Variants in ROBO1 observed in about 807,000 individuals in gnomAD.
ROBO1 encodes the protein roundabout guidance receptor 1, also known as roundabout homolog 1.
ROBO1 carries 149 observed loss-of-function variants against 195.9 expected under a neutral mutation model. The ratio of observed to expected loss-of-function variants is 0.76; its 90% confidence interval spans 0.67 to 0.87. ROBO1 has a LOEUF of 0.87. ROBO1 is among the 40% of genes least tolerant of loss of function. The probability of loss-of-function intolerance (pLI) is 0.00; values close to 1 mark genes in which losing one functional copy is unlikely to be tolerated. For missense variants in ROBO1, 1,933 were observed against 2,068.3 expected, an observed-to-expected ratio of 0.93 and a Z score of 1.27; for synonymous variants, 816 against 733.2, an observed-to-expected ratio of 1.11 and a Z score of -1.82.
chr3:78,689,370 A>T (rs1310921494), intron 8 of ROBO1, among the ~76,000 whole-genome samples: 1 of 152,186 alleles, frequency 6.6e-6, no homozygotes, highest in Admixed American at 6.5e-5. Flanking sequence ...TCATCCTGAC[A>T]TTATAAATAC....
intron 3 of ROBO1, among the ~76,000 whole-genome samples, chr3:79,116,336 CCTTTCTTTCTTTTT>C (rs1160715789): frequency 8.5e-5 from 12 of 141,000 alleles, no homozygotes; most frequent in Middle Eastern, 3.7e-3. Flanking sequence ...CTTTTCTTTT[CCTTTCTTTCTTTTT>C]CTTTCTTATT....
chr3:79,562,151 A>G (rs772408766), intron 2 of ROBO1, among the ~76,000 whole-genome samples: 2 of 152,108 alleles, frequency 1.3e-5, no homozygotes, highest in African/African-American at 4.8e-5. Flanking sequence ...TCAGAGTTCA[A>G]AATGTTCTGT....
intron 9 of ROBO1, 76 bp from the exon 10 acceptor site, chr3:78,685,993 A>G: frequency 1.6e-6 from 2 of 1,213,610 alleles, no homozygotes; most frequent in Non-Finnish European, 1.1e-6. Context: ...GCACTTATGC[A>G]TTTACATGTA....
intron 4 of ROBO1, among the ~76,000 whole-genome samples, chr3:78,867,025 T>G (rs1028478318): frequency 2.0e-5 from 3 of 152,210 alleles, no homozygotes; most frequent in Non-Finnish European, 2.9e-5. Flanking sequence ...GCCATTTGTA[T>G]TTGAAAGACT....
intron 1 of ROBO1, among the ~76,000 whole-genome samples, chr3:79,644,114 G>A (rs1945747283): frequency 6.6e-6 from 1 of 152,048 alleles, no homozygotes; most frequent in Non-Finnish European, 1.5e-5. Context: ...TAATAAAATG[G>A]TAACTATATC....
chr3:79,418,705 C>T (rs182049190), intron 2 of ROBO1, among the ~76,000 whole-genome samples: 123 of 152,136 alleles, frequency 8.1e-4, no homozygotes, highest in Non-Finnish European at 1.4e-3. Flanking sequence ...CATACATAGA[C>T]GGATAGATGA....
intron 1 of ROBO1, among the ~76,000 whole-genome samples, chr3:79,649,063 T>G (rs1945921111): frequency 6.6e-6 from 1 of 152,082 alleles, no homozygotes; most frequent in Non-Finnish European, 1.5e-5. Context: ...AAATTTGAAA[T>G]TTTAAAATCC....
intron 10 of ROBO1, among the ~76,000 whole-genome samples, chr3:78,680,308 CA>C (rs1481221958): frequency 1.3e-5 from 2 of 152,090 alleles, no homozygotes; most frequent in Non-Finnish European, 2.9e-5. Flanking sequence ...AAAGCAATGG[CA>C]ACAAAAGTCA....
chr3:79,321,810 T>C (rs1158628300), intron 2 of ROBO1, among the ~76,000 whole-genome samples: 3 of 152,206 alleles, frequency 2.0e-5, no homozygotes, highest in Non-Finnish European at 4.4e-5. Flanking sequence ...CATGGGTCCA[T>C]GTCCGTAAAT....
chr3:79,442,427 A>G (rs1204661497), intron 2 of ROBO1, among the ~76,000 whole-genome samples: 1 of 152,148 alleles, frequency 6.6e-6, no homozygotes, highest in Non-Finnish European at 1.5e-5. Context: ...TTTATTTCAT[A>G]GATTTAGAGA....
chr3:78,697,099 C>G (rs1005885551), intron 8 of ROBO1, among the ~76,000 whole-genome samples: 3 of 151,666 alleles, frequency 2.0e-5, no homozygotes, highest in African/African-American at 7.3e-5. Context: ...GAATAGAAGA[C>G]TTTCTTCCTT....
At chr3:79,224,828 G>A (rs938898992) in intron 2 of ROBO1, among the ~76,000 whole-genome samples, 3 of 152,108 alleles carry the variant, frequency 2.0e-5, no homozygotes, top group Non-Finnish European at 4.4e-5. Flanking sequence ...GAAAAAAGAT[G>A]GATGAAAAGC....
At chr3:79,059,933 C>T (rs1325669256) in intron 3 of ROBO1, among the ~76,000 whole-genome samples, 3 of 152,004 alleles carry the variant, frequency 2.0e-5, no homozygotes, top group Non-Finnish European at 4.4e-5. Context: ...GGTCTGACTG[C>T]CTGCCGAGCT....
chr3:79,084,146 G>GT (rs964858914), intron 3 of ROBO1, among the ~76,000 whole-genome samples: 12 of 152,126 alleles, frequency 7.9e-5, no homozygotes, highest in African/African-American at 2.2e-4. Context: ...TATCAATTTA[G>GT]TTTTTTTCTG....
intron 3 of ROBO1, among the ~76,000 whole-genome samples, chr3:79,121,421 G>A (rs2080113930): frequency 6.6e-6 from 1 of 151,880 alleles, no homozygotes. Context: ...ATTTGTCAAT[G>A]CTTTTCTTTC....
intron 2 of ROBO1, among the ~76,000 whole-genome samples, chr3:79,586,877 A>T (rs72631221): frequency 0.074 from 11,243 of 151,838 alleles, 463 homozygotes; most frequent in East Asian, 0.15. Context: ...GCCTCAAGAG[A>T]TAACCTCACA....
rs377150091 is a variant in ROBO1, at chr3:79,473,498, A to G, written c.88+116326T>C. 2.6e-5 allele frequency among the ~76,000 whole-genome samples: 4 copies of G among 152,268 alleles called. No homozygotes were observed. In the East Asian group the frequency reaches 5.8e-4, roughly 22 times the overall value. On this transcript the variant is annotated intron_variant, in intron 2 of 30. Transcript: ENST00000464233. ...AGGTGATTTTCGACAAGGCCTCACCATCTCGAAAACTCGGAGAAATAATAC... is the reference window on the plus strand; with the variant it reads ...AGGTGATTTTCGACAAGGCCTCACCGTCTCGAAAACTCGGAGAAATAATAC...
intron 2 of ROBO1, among the ~76,000 whole-genome samples, chr3:79,396,599 T>C (rs938208237): frequency 2.0e-5 from 3 of 152,144 alleles, no homozygotes; most frequent in Non-Finnish European, 4.4e-5. Context: ...AATTACATTA[T>C]GTAACGACAG....
chr3:79,149,451 A>G (rs996353613), intron 2 of ROBO1, among the ~76,000 whole-genome samples: 1 of 151,866 alleles, frequency 6.6e-6, no homozygotes, highest in African/African-American at 2.4e-5. Flanking sequence ...TGGTCTAATA[A>G]TTCCACATCC....
Sources: gnomAD v4.1 joint callset for allele counts (sites outside exome capture counted in the v4.1 genomes callset) on GRCh38, gnomAD v4.1.1 for gene constraint, MANE v1.5 for transcripts, NCBI Gene and HGNC (gene_info 2026-07-23, HGNC 2026-07-21) for gene names.